The following GPR78 variants were observed in gnomAD, a reference collection of about 807,000 sequenced individuals.
The protein encoded by GPR78 is G protein-coupled receptor 78.
Under a neutral mutation model 17.9 loss-of-function variants are expected in GPR78, and 29 were observed. The ratio of observed to expected loss-of-function variants is 1.62; its 90% CI spans 1.20 to 2.21. The LOEUF (loss-of-function observed/expected upper bound fraction) is 2.21. GPR78 is among the 30% of genes most tolerant of loss of function. GPR78 has a pLI of 0.00. For synonymous variants in GPR78, 349 were observed against 256.9 expected (o/e 1.36, Z -3.43); for missense variants, 649 against 530.5 (o/e 1.22, Z -2.19).
At chr4:8,583,285 G>A (rs1211338257) in intron 2 of GPR78, among the ~76,000 whole-genome samples, 1 of 152,198 alleles carries the variant, frequency 6.6e-6, no homozygotes, top group Non-Finnish European at 1.5e-5. Context: ...AAGGAAATGT[G>A]TGCACCCTGC....
chr4:8,582,525 CCA>C lies in GPR78; in HGVS notation c.669-3_669-2del, dbSNP rs755529039. 3.1e-6 allele frequency: 5 copies of C among 1,595,920 alleles called. No homozygotes were observed. The South Asian group carries it at 3.3e-5, about 11-fold the overall frequency. On this transcript the variant is annotated splice_polypyrimidine_tract_variant and splice_region_variant and intron_variant, in intron 1 of 2. Coordinates refer to ENST00000382487, the MANE Select transcript of GPR78 (RefSeq NM_080819.5). ...TCATCCTGACCACTGTCCTCTGTCCCCACAGTGTGCGGCAGCGCTGCCTCATC... is the reference window on the plus strand; with the variant it reads ...TCATCCTGACCACTGTCCTCTGTCCCCAGTGTGCGGCAGCGCTGCCTCATC...
chr4:8,586,365 C>T (rs1713504957), intron 2 of GPR78, among the ~76,000 whole-genome samples: 1 of 152,164 alleles, frequency 6.6e-6, no homozygotes, highest in South Asian at 2.1e-4. Context: ...AGTTGTGTGC[C>T]TGGTGGTCCT....
intron 2 of GPR78, among the ~76,000 whole-genome samples, chr4:8,584,278 T>C (rs1244197247): frequency 6.6e-6 from 1 of 152,246 alleles, no homozygotes; most frequent in Non-Finnish European, 1.5e-5. Flanking sequence ...TACAATGCCC[T>C]GAACATGTAT....
intron 2 of GPR78, 85 bp downstream of exon 2, chr4:8,582,729 A>G: frequency 1.1e-6 from 1 of 885,454 alleles, no homozygotes; most frequent in Non-Finnish European, 1.9e-6. Flanking sequence ...GTTTCCCAGC[A>G]AGATATCTGG....
Position 8,581,327 on chromosome 4 carries a change from C to T in GPR78, c.345C>T (p.Ala115=), listed in dbSNP as rs1382957959. Reference sequence around the variant, plus strand: ...CAGTGGGCTTCCCACTGCGCTACGCCGGACGCCTGCGACCGCGCTATGCCG... The same window carrying T: ...CAGTGGGCTTCCCACTGCGCTACGCTGGACGCCTGCGACCGCGCTATGCCG... ...WLAVGFPLRY[A]GRLRPRYAGL... is the part of the protein sequence containing the mutation. The change falls in exon 1 of 3, where the codon GCC becomes GCT. Residue 115 remains alanine, a synonymous_variant. Coordinates refer to ENST00000382487, the MANE Select transcript of GPR78 (RefSeq NM_080819.5). The T allele has an allele frequency of 2.5e-6, 4 of 1,576,208 alleles. No homozygotes were observed. Among genetic ancestry groups the T allele is most frequent in the Middle Eastern group, 1.8e-4 (1 of 5,558 alleles).
chr4:8,581,278 C>A lies in GPR78; in HGVS notation c.296C>A (p.Ala99Glu). The change falls in exon 1 of 3, where the codon GCG (alanine) becomes GAG (glutamate). Residue 99 changes from alanine to glutamate, a missense_variant. Coordinates refer to ENST00000382487, the MANE Select transcript of GPR78 (RefSeq NM_080819.5). ...LASNAALSVA[A>E]LSADQWLAVG... ...TCCAACGCGGCGCTGAGCGTGGCGGCGCTGAGCGCAGACCAGTGGCTGGCA... is the reference window on the plus strand; with the variant it reads ...TCCAACGCGGCGCTGAGCGTGGCGGAGCTGAGCGCAGACCAGTGGCTGGCA... 3 of 1,588,588 alleles carry A rather than the reference C, an allele frequency of 1.9e-6. No homozygotes were observed. Among genetic ancestry groups the A allele is most frequent in the Non-Finnish European group, 2.6e-6 (3 of 1,173,204 alleles).
rs527897657 is a variant in GPR78, at chr4:8,587,814, C to G, written c.*451C>G. 2.8e-5 allele frequency: 5 copies of G among 181,640 alleles called. No homozygotes were observed. Among genetic ancestry groups the G allele is most frequent in the Admixed American group, 1.1e-4 (2 of 18,162 alleles). 11.3% of individuals were successfully genotyped at this position (181,640 alleles called of 1,614,324 possible). On this transcript the variant is annotated 3_prime_UTR_variant, in exon 3 of 3. Coordinates refer to ENST00000382487, the MANE Select transcript of GPR78 (RefSeq NM_080819.5). ...TCCAACCTGGTTATTAGCATTGTTCCGATTTGTTCTCGGCATTGCCCAGGT... is the reference window on the plus strand; with the variant it reads ...TCCAACCTGGTTATTAGCATTGTTCGGATTTGTTCTCGGCATTGCCCAGGT...
At position 8,588,736 on chromosome 4, in the gene GPR78, A is replaced by G. The variant is rs894445223; in HGVS notation, c.*1373A>G. 2.0e-5 allele frequency among the ~76,000 whole-genome samples: 3 copies of G among 152,218 alleles called. No individual in the cohort carries two copies. The highest frequency in any genetic ancestry group is 2.1e-4 in the South Asian group (1 of 4,836). On this transcript the variant is annotated 3_prime_UTR_variant, in exon 3 of 3. Transcript: ENST00000382487. Reference sequence around the variant, plus strand: ...AATGCAAGGAGAGTATGGACATCAAATTCTTTCCTTCCAGAGGCTGAATTC... The same window carrying G: ...AATGCAAGGAGAGTATGGACATCAAGTTCTTTCCTTCCAGAGGCTGAATTC...
chr4:8,588,729 A>G lies in GPR78; in HGVS notation c.*1366A>G, dbSNP rs532672770. Among the ~76,000 whole-genome samples, 3 of 152,344 alleles carry G rather than the reference A, an allele frequency of 2.0e-5. No homozygotes were observed. The South Asian group carries it at 6.2e-4, about 32-fold the overall frequency. On this transcript the variant is annotated 3_prime_UTR_variant, in exon 3 of 3. Transcript: ENST00000382487. ...GGCCAGCAATGCAAGGAGAGTATGG[A>G]CATCAAATTCTTTCCTTCCAGAGGC...
At chr4:8,585,443 C>G (rs1237959620) in intron 2 of GPR78, among the ~76,000 whole-genome samples, 2 of 152,162 alleles carry the variant, frequency 1.3e-5, no homozygotes, top group Non-Finnish European at 2.9e-5. Context: ...AAATGCCAGC[C>G]TCCTCAGATC....
Position 8,582,577 on chromosome 4 carries a change from G to C in GPR78, c.715G>C (p.Ala239Pro). The change falls in exon 2 of 3, where the codon GCC becomes CCC. Residue 239 changes from alanine to proline, a missense_variant. By Grantham distance (27) the Ala-to-Pro change is conservative. Coordinates refer to ENST00000382487, the MANE Select transcript of GPR78 (RefSeq NM_080819.5). Reference sequence around the variant, plus strand: ...CCAGCAGAAGCGGCGCCGCCACCGCGCCACCAGGAAGATTGGCATTGCTAT... The same window carrying C: ...CCAGCAGAAGCGGCGCCGCCACCGCCCCACCAGGAAGATTGGCATTGCTAT... ...LIQQKRRRHR[A>P]TRKIGIAIAT... 6.2e-7 allele frequency: 1 copy of C among 1,612,770 alleles called. No homozygotes were observed. The highest frequency in any genetic ancestry group is 8.5e-7 in the Non-Finnish European group (1 of 1,179,914).
rs1051693791 is a variant in GPR78 at position 8,580,952 on chromosome 4, A to C, written c.-31A>C. ...TCGCGCCCGAAGCAGAGCCATGAGA[A>C]CCCCAGGGTGCCTGGCGAGCCGCTA... On this transcript the variant is annotated 5_prime_UTR_variant, in exon 1 of 3. Transcript: ENST00000382487. 1.3e-6 allele frequency: 2 copies of C among 1,503,644 alleles called. No individual in the cohort carries two copies. The highest frequency in any genetic ancestry group is 1.3e-5 in the South Asian group (1 of 77,070). 93.1% of individuals were successfully genotyped at this position (1,503,644 alleles called of 1,614,324 possible). A position where few individuals can be genotyped will look rare whatever the true frequency, so the allele number is the denominator to read the frequency against.
At chr4:8,584,738 C>G (rs1238251343) in intron 2 of GPR78, among the ~76,000 whole-genome samples, 1 of 152,206 alleles carries the variant, frequency 6.6e-6, no homozygotes, top group Non-Finnish European at 1.5e-5. Context: ...GAACCTCACT[C>G]CTGAGTGTGT....
chr4:8,587,350 A>C lies in GPR78; in HGVS notation c.1079A>C (p.Gln360Pro), dbSNP rs749729805. 8 of 1,612,606 alleles carry C rather than the reference A, an allele frequency of 5.0e-6. No homozygotes were observed. In the East Asian group the frequency reaches 1.8e-4, roughly 36 times the overall value. Residue 360 changes from glutamine (Q) to proline (P), a missense_variant, in exon 3 of 3, where the codon CAG (glutamine) becomes CCG (proline). Physicochemically the swap from Gln to Pro is moderately conservative, Grantham distance 76 (BLOSUM62 -1). Coordinates refer to ENST00000382487, the MANE Select transcript of GPR78 (RefSeq NM_080819.5). Reference sequence around the variant, plus strand: ...GACACAGAGAATGATTCCTGCCTGCAGCAGACACACTGAGGGCCTGGCAGG... The same window carrying C: ...GACACAGAGAATGATTCCTGCCTGCCGCAGACACACTGAGGGCCTGGCAGG... ...SVDTENDSCLQQTH is the reference protein window; with the variant it reads ...SVDTENDSCLPQTH
Position 8,581,336 on chromosome 4 carries a change from G to A in GPR78, c.354G>A (p.Leu118=). Residue 118 remains leucine, a synonymous_variant, in exon 1 of 3, where the codon CTG becomes CTA. Coordinates refer to ENST00000382487, the MANE Select transcript of GPR78 (RefSeq NM_080819.5). The part of the protein sequence containing the change: ...VGFPLRYAGR[L]RPRYAGLLLG... Reference sequence around the variant, plus strand: ...TCCCACTGCGCTACGCCGGACGCCTGCGACCGCGCTATGCCGGCCTGCTGC... The same window carrying A: ...TCCCACTGCGCTACGCCGGACGCCTACGACCGCGCTATGCCGGCCTGCTGC... 1 of 1,576,924 alleles carries A rather than the reference G, an allele frequency of 6.3e-7. No individual in the cohort carries two copies. Among genetic ancestry groups the A allele is most frequent in the Non-Finnish European group, 8.6e-7 (1 of 1,167,598 alleles).
intron 2 of GPR78, among the ~76,000 whole-genome samples, chr4:8,585,613 C>A (rs1465666615): frequency 6.6e-6 from 1 of 152,194 alleles, no homozygotes; most frequent in Non-Finnish European, 1.5e-5. Flanking sequence ...CTTACTGTAA[C>A]TGGATCCTCA....
In GPR78 at chr4:8,587,291, C is replaced by G. The variant is rs1713551985; in HGVS notation, c.1020C>G (p.Thr340=). 2 of 1,610,910 alleles carry G rather than the reference C, an allele frequency of 1.2e-6. No homozygotes were observed. Among genetic ancestry groups the G allele is most frequent in the African/African-American group, 2.7e-5 (2 of 74,832 alleles). ...TGGTGCACCAGCTGCTGAAGAGAAC[C>G]CCGCGCCCAGCGTCCACCCACAACG... ...AGMVHQLLKR[T]PRPASTHNGS... Residue 340 remains threonine (T), a synonymous_variant, in exon 3 of 3, where the codon ACC becomes ACG. Coordinates refer to ENST00000382487, the MANE Select transcript of GPR78 (RefSeq NM_080819.5).
At chr4:8,585,787 G>A (rs867032406) in intron 2 of GPR78, among the ~76,000 whole-genome samples, 5 of 151,820 alleles carry the variant, frequency 3.3e-5, no homozygotes, top group Non-Finnish European at 2.9e-5. Context: ...CTGCCTGCCT[G>A]CCTGCCAGCC....
intron 2 of GPR78, among the ~76,000 whole-genome samples, chr4:8,583,443 C>G (rs539520825): frequency 5.3e-5 from 8 of 152,276 alleles, no homozygotes; most frequent in Admixed American, 2.6e-4. Context: ...GGTCTCCACC[C>G]TATGTGTTGA....
Sources: allele counts gnomAD v4.1 joint callset (sites outside exome capture counted in the v4.1 genomes callset), GRCh38; gene constraint gnomAD v4.1.1; transcripts MANE v1.5; gene names NCBI Gene and HGNC (gene_info 2026-07-23, HGNC 2026-07-21).